The following GRIK4 variants were observed in gnomAD, a reference collection of about 807,000 sequenced individuals.
The protein encoded by GRIK4 is glutamate ionotropic receptor kainate type subunit 4, also known as glutamate receptor ionotropic, kainate 4.
GRIK4 carries 40 observed loss-of-function variants against 104.9 expected under a neutral mutation model. The ratio of observed to expected loss-of-function variants is 0.38; its 90% CI spans 0.30 to 0.50. The LOEUF (loss-of-function observed/expected upper bound fraction) is 0.50, where lower values mean the gene tolerates loss of function less well. Ranked by LOEUF, GRIK4 falls within the 20% of genes least tolerant of loss-of-function variation. GRIK4 has a pLI of 0.93. For synonymous variants in GRIK4, 485 were observed against 524.9 expected, an observed-to-expected ratio of 0.92 and a Z score of 1.04; for missense variants, 1,047 against 1,308.1, an observed-to-expected ratio of 0.80 and a Z score of 3.08.
At chr11:120,784,460 G>C (rs1952224072) in intron 3 of GRIK4, among the ~76,000 whole-genome samples, 1 of 152,072 alleles carries the variant, frequency 6.6e-6, no homozygotes, top group Non-Finnish European at 1.5e-5. Context: ...TTTTTTCCTT[G>C]GTGTGGTCAG....
At chr11:120,757,422 A>T (rs545305704) in intron 3 of GRIK4, among the ~76,000 whole-genome samples, 8 of 152,282 alleles carry the variant, frequency 5.3e-5, no homozygotes, top group African/African-American at 1.9e-4. Flanking sequence ...AATGTGGGTG[A>T]TAGTACTACC....
intron 9 of GRIK4, among the ~76,000 whole-genome samples, chr11:120,862,563 G>C (rs1297245511): frequency 1.3e-5 from 2 of 152,178 alleles, no homozygotes; most frequent in East Asian, 1.9e-4. Flanking sequence ...GGCTGTTGCA[G>C]AGTGGAACTA....
intron 19 of GRIK4, among the ~76,000 whole-genome samples, chr11:120,981,442 C>T (rs188958063): frequency 6.0e-4 from 91 of 152,260 alleles, no homozygotes; most frequent in African/African-American, 2.2e-3. Context: ...TGTGAAACTT[C>T]TGTAAAAATA....
intron 1 of GRIK4, among the ~76,000 whole-genome samples, chr11:120,577,167 A>T (rs1025997319): frequency 6.6e-6 from 1 of 152,222 alleles, no homozygotes; most frequent in Admixed American, 6.5e-5. Context: ...TCAAGGAAAG[A>T]TTCTGTCCTC....
At chr11:120,652,257 T>C (rs1949630242) in intron 1 of GRIK4, among the ~76,000 whole-genome samples, 1 of 152,222 alleles carries the variant, frequency 6.6e-6, no homozygotes, top group Non-Finnish European at 1.5e-5. Flanking sequence ...TCTAAGAACC[T>C]TAGAGATCAT....
intron 10 of GRIK4, 35 bp downstream of exon 10, chr11:120,874,253 C>A: frequency 1.3e-6 from 2 of 1,573,276 alleles, no homozygotes; most frequent in Middle Eastern, 1.7e-4. Context: ...GGGCTGTGCC[C>A]AGGCTAGTGG....
At position 120,819,894 on chromosome 11, in the gene GRIK4, C is replaced by T. The variant is rs191050458; in HGVS notation, c.485C>T (p.Ala162Val). ...CTGAACTTCTTCAACTGCACCACCG[C>T]CTGCCTCATCTGTGCCAAAGCAGAA... ...GILNFFNCTTACLICAKAECL... is the reference protein window; with the variant it reads ...GILNFFNCTTVCLICAKAECL... Residue 162 changes from alanine (A) to valine (V), a missense_variant, in exon 6 of 21, where the codon GCC becomes GTC. By Grantham distance (64) the Ala-to-Val change is moderately conservative. Around this residue, in one of 3 missense-constraint regions of GRIK4, gnomAD observed 447 missense variants for 514.9 expected, o/e 0.87. Coordinates refer to ENST00000527524, the MANE Select transcript of GRIK4 (RefSeq NM_014619.5). The surrounding 1 kb of genome is among the most constrained non-coding windows in gnomAD (Gnocchi z 4.3). 5.2e-4 allele frequency: 834 copies of T among 1,614,078 alleles called. 1 individual carries two copies. Among genetic ancestry groups the T allele is most frequent in the Non-Finnish European group, 6.1e-4 (723 of 1,180,016 alleles).
At chr11:120,669,749 C>T (rs1267603268) in intron 3 of GRIK4, among the ~76,000 whole-genome samples, 1 of 152,258 alleles carries the variant, frequency 6.6e-6, no homozygotes, top group Non-Finnish European at 1.5e-5. Flanking sequence ...TTCCTCATCT[C>T]TTGATCTCTG....
chr11:120,773,512 C>A (rs183508793), intron 3 of GRIK4, among the ~76,000 whole-genome samples: 2 of 152,140 alleles, frequency 1.3e-5, no homozygotes, highest in Non-Finnish European at 2.9e-5. Context: ...GGTAAGCGTG[C>A]GAATGGATGC....
intron 1 of GRIK4, among the ~76,000 whole-genome samples, chr11:120,592,415 C>A (rs1948745902): frequency 6.6e-6 from 1 of 152,176 alleles, no homozygotes; most frequent in Non-Finnish European, 1.5e-5. Flanking sequence ...TAATGACGAA[C>A]CCTGAGAACA....
At chr11:120,818,203 T>A (rs1283218900) in intron 5 of GRIK4, among the ~76,000 whole-genome samples, 1 of 152,222 alleles carries the variant, frequency 6.6e-6, no homozygotes, top group African/African-American at 2.4e-5. Flanking sequence ...TTGGATTCGC[T>A]GCTAATGGAA....
chr11:120,833,457 C>T (rs949812814), intron 7 of GRIK4, among the ~76,000 whole-genome samples: 13 of 152,148 alleles, frequency 8.5e-5, no homozygotes, highest in African/African-American at 3.1e-4. Context: ...AGGTTGGGAG[C>T]AGGCAGTGAG....
intron 3 of GRIK4, among the ~76,000 whole-genome samples, chr11:120,781,577 CTT>C: frequency 6.6e-6 from 1 of 152,282 alleles, no homozygotes; most frequent in East Asian, 1.9e-4. Flanking sequence ...TTCTTGAACT[CTT>C]GAGCTTAAGC....
chr11:120,947,122 G>A (rs1161864349), intron 14 of GRIK4, among the ~76,000 whole-genome samples: 1 of 152,130 alleles, frequency 6.6e-6, no homozygotes, highest in African/African-American at 2.4e-5. Context: ...GGGAGAAATA[G>A]GCTGGGCACG....
At chr11:120,891,527 C>T (rs1376082055) in intron 11 of GRIK4, among the ~76,000 whole-genome samples, 1 of 152,158 alleles carries the variant, frequency 6.6e-6, no homozygotes, top group African/African-American at 2.4e-5. Context: ...AAAAATAACT[C>T]CCTCTTAAAG....
At chr11:120,968,847 A>C (rs1227075206) in intron 19 of GRIK4, among the ~76,000 whole-genome samples, 1 of 152,208 alleles carries the variant, frequency 6.6e-6, no homozygotes, top group Non-Finnish European at 1.5e-5. Flanking sequence ...GAGTTCAGTA[A>C]GTAACACACT....
intron 1 of GRIK4, among the ~76,000 whole-genome samples, chr11:120,641,627 A>G (rs913560282): frequency 6.6e-6 from 1 of 152,172 alleles, no homozygotes; most frequent in African/African-American, 2.4e-5. Flanking sequence ...GTGTCTTTTA[A>G]CATGCTAATG....
intron 3 of GRIK4, among the ~76,000 whole-genome samples, chr11:120,736,695 CA>C (rs1379164047): frequency 6.6e-6 from 1 of 151,996 alleles, no homozygotes; most frequent in Non-Finnish European, 1.5e-5. Flanking sequence ...AATGGAAATA[CA>C]TAGTTGTATA....
intron 4 of GRIK4, among the ~76,000 whole-genome samples, chr11:120,810,827 ATATCCT>A (rs1334090501): frequency 6.6e-6 from 1 of 152,236 alleles, no homozygotes; most frequent in Non-Finnish European, 1.5e-5. Flanking sequence ...GTATTTGAAG[ATATCCT>A]TAGCACTGTA....
Sources: gnomAD v4.1 joint callset for allele counts (sites outside exome capture counted in the v4.1 genomes callset) on GRCh38, gnomAD v4.1.1 for gene constraint, gnomAD v4.1.1 regional missense constraint, Gnocchi (gnomAD v3.1) non-coding constraint, MANE v1.5 for transcripts, NCBI Gene and HGNC (gene_info 2026-07-23, HGNC 2026-07-21) for gene names.